The following PHLDB1 variants were observed in gnomAD, a reference collection of about 807,000 sequenced individuals.
PHLDB1 encodes the protein pleckstrin homology-like domain family B member 1.
PHLDB1 carries 65 observed loss-of-function variants against 139.3 expected under a neutral mutation model. The ratio of observed to expected loss-of-function variants is 0.47; its 90% CI spans 0.38 to 0.57. The LOEUF (loss-of-function observed/expected upper bound fraction) is 0.57, where lower values mean the gene tolerates loss of function less well. Ranked by LOEUF, PHLDB1 falls within the 20% of genes least tolerant of loss-of-function variation. The pLI is 0.00. For synonymous variants in PHLDB1, 679 were observed against 734.5 expected, an observed-to-expected ratio of 0.92 and a Z score of 1.22; for missense variants, 1,624 against 1,839.7, an observed-to-expected ratio of 0.88 and a Z score of 2.14.
intron 4 of PHLDB1, among the ~76,000 whole-genome samples, chr11:118,617,576 C>T (rs1177628626): frequency 6.6e-6 from 1 of 152,042 alleles, no homozygotes; most frequent in Non-Finnish European, 1.5e-5. Flanking sequence ...AGCGATTCTC[C>T]TGCCTCAGCC....
intron 18 of PHLDB1, among the ~76,000 whole-genome samples, chr11:118,649,643 C>T (rs531441799): frequency 8.5e-5 from 13 of 152,144 alleles, no homozygotes; most frequent in Admixed American, 2.6e-4. Context: ...AGTTCAAAGC[C>T]GGCGTTTTAC....
intron 1 of PHLDB1, among the ~76,000 whole-genome samples, chr11:118,609,159 A>G (rs1204675271): frequency 1.4e-5 from 2 of 139,862 alleles, no homozygotes; most frequent in African/African-American, 5.5e-5. Context: ...CCCAGCTCAC[A>G]CAAGCAGCCC....
At chr11:118,616,917 C>T (rs782000072) in intron 4 of PHLDB1, among the ~76,000 whole-genome samples, 4 of 152,106 alleles carry the variant, frequency 2.6e-5, no homozygotes, top group Non-Finnish European at 4.4e-5. Flanking sequence ...TGGTGGCACA[C>T]GCCTGTAGTC....
Position 118,650,406 on chromosome 11 carries a change from TG to T in PHLDB1, c.3772-38del. 1 of 1,367,552 alleles carries T rather than the reference TG, an allele frequency of 7.3e-7. No individual in the cohort carries two copies. The highest frequency in any genetic ancestry group is 2.3e-5 in the East Asian group (1 of 43,734). The allele number at this position is 1,367,552 out of a possible 1,614,324, so 84.7% of individuals were successfully genotyped here. A position where few individuals can be genotyped will look rare whatever the true frequency, so the allele number is the denominator to read the frequency against. On this transcript the variant is annotated intron_variant, in intron 19 of 22. Transcript: ENST00000600882. This position sits in a 1 kb window ranked among gnomAD's most constrained non-coding sequence, Gnocchi z 4.7. ...TGGCACACACTTAAGGCTTAAGGGC[TG>T]CATATTTGGGTCCTTCCTTACTCCT...
chr11:118,638,693 G>A (rs1946036064), intron 10 of PHLDB1, among the ~76,000 whole-genome samples, 198 bp from the exon 11 acceptor site: 1 of 152,178 alleles, frequency 6.6e-6, no homozygotes, highest in Non-Finnish European at 1.5e-5. Flanking sequence ...GGGGTCATTG[G>A]TCAAGGGAGG....
chr11:118,655,588 C>T lies in PHLDB1; in HGVS notation c.3875-17C>T. ...AAGTGTGACCGGCTCCATAGCCCAC[C>T]CTTACTTGCTTTGCAGACAAGCATG... On this transcript the variant is annotated splice_polypyrimidine_tract_variant and intron_variant, in intron 20 of 22. Coordinates refer to ENST00000600882, the MANE Select transcript of PHLDB1 (RefSeq NM_001144758.3). The T allele has an allele frequency of 4.5e-6, 7 of 1,567,000 alleles. No homozygotes were observed. Among genetic ancestry groups the T allele is most frequent in the South Asian group, 1.1e-5 (1 of 89,970 alleles).
At chr11:118,641,821 G>A (rs1275503397) in intron 12 of PHLDB1, 1 of 1,268,066 alleles carries the variant, frequency 7.9e-7, no homozygotes, top group Admixed American at 2.3e-5. Flanking sequence ...CCCCACCCAT[G>A]ACTGGTGTGC....
chr11:118,612,055 C>CTT, intron 1 of PHLDB1, among the ~76,000 whole-genome samples: 1 of 151,230 alleles, frequency 6.6e-6, no homozygotes, highest in South Asian at 2.1e-4. Context: ...AAACATTCCC[C>CTT]CCACCCCACC....
intron 4 of PHLDB1, chr11:118,621,433 C>T (rs1293040668): frequency 3.3e-5 from 5 of 152,186 alleles, no homozygotes; most frequent in East Asian, 1.9e-4. Context: ...AGCCTAGAGC[C>T]GGCAGCTCGG....
rs374952881 is a variant in PHLDB1 at position 118,613,851 on chromosome 11, T to C, written c.15T>C (p.Asn5=). Reference sequence around the variant, plus strand: ...GCCTTAGGACCATGGACGCTCTCAATAGGAACCAAATAGGCCCTGGATGCC... The same window carrying C: ...GCCTTAGGACCATGGACGCTCTCAACAGGAACCAAATAGGCCCTGGATGCC... MDAL[N]RNQIGPGCQT... The change falls in exon 2 of 23, where the codon AAT becomes AAC. Residue 5 remains asparagine, a synonymous_variant. Transcript: ENST00000600882. 2.5e-5 allele frequency: 40 copies of C among 1,612,404 alleles called. No homozygotes were observed. The African/African-American group carries it at 4.3e-4, about 17-fold the overall frequency.
rs1331013914 is a variant in PHLDB1, at chr11:118,632,119, A to C, written c.2242-40A>C. 1 of 1,613,690 alleles carries C rather than the reference A, an allele frequency of 6.2e-7. No homozygotes were observed. The highest frequency in any genetic ancestry group is 1.3e-5 in the African/African-American group (1 of 74,952). On this transcript the variant is annotated intron_variant, in intron 8 of 22. Coordinates refer to ENST00000600882, the MANE Select transcript of PHLDB1 (RefSeq NM_001144758.3). This position sits in a 1 kb window ranked among gnomAD's most constrained non-coding sequence, Gnocchi z 5.9. ...ACTGAAGGCCCCAGAGAGGGGCCAC[A>C]GTCAGCTGCTTTGATGGGGACCCTG...
At chr11:118,613,384 A>G in intron 1 of PHLDB1, 1 of 987,664 alleles carries the variant, frequency 1.0e-6, no homozygotes, top group Non-Finnish European at 1.2e-6. Flanking sequence ...TAGCCCTGCC[A>G]CCTACCTGGG....
In PHLDB1 at chr11:118,656,910, T is replaced by A; in HGVS notation, c.*87T>A. On this transcript the variant is annotated 3_prime_UTR_variant, in exon 23 of 23. Coordinates refer to ENST00000600882, the MANE Select transcript of PHLDB1 (RefSeq NM_001144758.3). ...TGTAAGGAGCTTGGTCCTGTGAGTTTCTGGGCTCTGGCCTCCTGAAGAACC... is the reference window on the plus strand; with the variant it reads ...TGTAAGGAGCTTGGTCCTGTGAGTTACTGGGCTCTGGCCTCCTGAAGAACC... The A allele has an allele frequency of 8.3e-7, 1 of 1,211,430 alleles. No homozygotes were observed. The highest frequency in any genetic ancestry group is 1.2e-6 in the Non-Finnish European group (1 of 864,158). 75.0% of individuals were successfully genotyped at this position (1,211,430 alleles called of 1,614,324 possible).
rs782534635 is a variant in PHLDB1, at chr11:118,628,094, T to C, written c.1271T>C (p.Leu424Pro). ...CTAACAACCAGCCCCTCACGCCAAC[T>C]GGTGGGCCGAACATTTTCAGATGGG... ...RVLTTSPSRQ[L>P]VGRTFSDGLA... The change falls in exon 6 of 23, where the codon CTG (leucine) becomes CCG (proline). Residue 424 changes from leucine (L) to proline (P), a missense_variant. Physicochemically the swap from Leu to Pro is moderately conservative, Grantham distance 98. Coordinates refer to ENST00000600882, the MANE Select transcript of PHLDB1 (RefSeq NM_001144758.3). 6.2e-7 allele frequency: 1 copy of C among 1,613,984 alleles called. No individual in the cohort carries two copies. Among genetic ancestry groups the C allele is most frequent in the Non-Finnish European group, 8.5e-7 (1 of 1,180,000 alleles).
In PHLDB1 at chr11:118,611,013, G is replaced by A. The variant is rs1478512832; in HGVS notation, c.-21-2803G>A. 6.6e-6 allele frequency among the ~76,000 whole-genome samples: 1 copy of A among 152,218 alleles called. No homozygotes were observed. Among genetic ancestry groups the A allele is most frequent in the Non-Finnish European group, 1.5e-5 (1 of 68,030 alleles). On this transcript the variant is annotated intron_variant, in intron 1 of 22. Transcript: ENST00000600882. This position sits in a 1 kb window ranked among gnomAD's most constrained non-coding sequence, Gnocchi z 4.7. ...CGCAGGGGTCTTTTTTTGGCCGCGGGGCCGGGCGGGCGGGTAATGACAGCC... is the reference window on the plus strand; with the variant it reads ...CGCAGGGGTCTTTTTTTGGCCGCGGAGCCGGGCGGGCGGGTAATGACAGCC...
chr11:118,627,529 C>T lies in PHLDB1; in HGVS notation c.706C>T (p.Pro236Ser). The T allele has an allele frequency of 6.2e-7, 1 of 1,614,216 alleles. No homozygotes were observed. The highest frequency in any genetic ancestry group is 1.3e-5 in the African/African-American group (1 of 75,066). ...ANGGRYLLSP[P>S]TSPGAMSVGS... ...TGGTGGGCGCTACCTGCTGTCTCCC[C>T]CAACCAGCCCCGGCGCCATGTCTGT... The change falls in exon 6 of 23, where the codon CCA (proline) becomes TCA (serine). Residue 236 changes from proline to serine, a missense_variant. Transcript: ENST00000600882.
rs1158813022 is a variant in PHLDB1 at position 118,632,599 on chromosome 11, G to A, written c.2379+303G>A. The A allele has an allele frequency of 2.5e-6, 1 of 404,456 alleles. No individual in the cohort carries two copies. The highest frequency in any genetic ancestry group is 4.5e-5 in the East Asian group (1 of 22,004). The allele number at this position is 404,456 out of a possible 1,614,324, so 25.1% of individuals were successfully genotyped here. On this transcript the variant is annotated intron_variant, in intron 9 of 22. Coordinates refer to ENST00000600882, the MANE Select transcript of PHLDB1 (RefSeq NM_001144758.3). This position sits in a 1 kb window ranked among gnomAD's most constrained non-coding sequence, Gnocchi z 5.9. Reference sequence around the variant, plus strand: ...TAGGAAGTGCCAAAGCCCCTTCTTGGGCAGTGAGCACAGCCCAAGGGACTG... The same window carrying A: ...TAGGAAGTGCCAAAGCCCCTTCTTGAGCAGTGAGCACAGCCCAAGGGACTG...
At chr11:118,641,516 C>A in intron 12 of PHLDB1, 1 of 666,468 alleles carries the variant, frequency 1.5e-6, no homozygotes, top group South Asian at 1.9e-5. Context: ...TCTGTACTTT[C>A]TGCCCTTTCC....
rs1946697001 is a variant in PHLDB1 at position 118,642,325 on chromosome 11, T to C, written c.2808T>C (p.Thr936=). 6.2e-7 allele frequency: 1 copy of C among 1,612,350 alleles called. No individual in the cohort carries two copies. ...WYQELMAGLG[T]GPAAASPHSS... Reference sequence around the variant, plus strand: ...AGGAGCTGATGGCCGGGCTGGGGACTGGCCCCGCTGCAGCCTCCCCTCACT... The same window carrying C: ...AGGAGCTGATGGCCGGGCTGGGGACCGGCCCCGCTGCAGCCTCCCCTCACT... The change falls in exon 13 of 23, where the codon ACT becomes ACC. Residue 936 remains threonine (T), a synonymous_variant. Coordinates refer to ENST00000600882, the MANE Select transcript of PHLDB1 (RefSeq NM_001144758.3).
Sources: allele counts gnomAD v4.1 joint callset (sites outside exome capture counted in the v4.1 genomes callset), GRCh38; gene constraint gnomAD v4.1.1; non-coding constraint Gnocchi (gnomAD v3.1); transcripts MANE v1.5; gene names NCBI Gene and HGNC (gene_info 2026-07-23, HGNC 2026-07-21).